FOXP2: variants seen among roughly 807,000 people sequenced by gnomAD.
FOXP2 encodes forkhead box P2.
In FOXP2, 12 loss-of-function variants were observed where a neutral mutation model predicts 115.8. That is an observed-to-expected ratio of 0.10 (90% CI 0.07 to 0.17). The LOEUF (loss-of-function observed/expected upper bound fraction) is 0.17, where lower values mean the gene tolerates loss of function less well. Among genes scored for constraint, FOXP2 ranks in the 10% least tolerant of loss-of-function variants. The pLI is 1.00. For synonymous variants in FOXP2, 328 were observed against 297.7 expected, an observed-to-expected ratio of 1.10 and a Z score of -1.05; for missense variants, 629 against 843.5, an observed-to-expected ratio of 0.75 and a Z score of 3.15.
intron 2 of FOXP2, among the ~76,000 whole-genome samples, chr7:114,509,674 G>A (rs546197646): frequency 1.3e-5 from 2 of 149,060 alleles, no homozygotes; most frequent in East Asian, 2.0e-4. Context: ...CTTTGGTGGG[G>A]GGGGGGCTTG....
upstream of FOXP2, among the ~76,000 whole-genome samples, chr7:114,159,351 A>G (rs1448226324): frequency 6.6e-6 from 1 of 152,148 alleles, no homozygotes; most frequent in Non-Finnish European, 1.5e-5. Context: ...TCCTGATAAT[A>G]AAATGTTTAG....
chr7:114,377,112 A>C (rs991567793), intron 2 of FOXP2, among the ~76,000 whole-genome samples: 4 of 152,170 alleles, frequency 2.6e-5, no homozygotes, highest in Admixed American at 2.6e-4. Flanking sequence ...GGAAAACCAA[A>C]TCAGAGATAT....
intron 2 of FOXP2, among the ~76,000 whole-genome samples, chr7:114,308,341 G>C (rs1797066542): frequency 6.6e-6 from 1 of 152,040 alleles, no homozygotes; most frequent in East Asian, 1.9e-4. Context: ...GTATACAAGG[G>C]ACTGAACTAC....
At chr7:114,111,979 C>G (rs1319186484) in intron 1 of FOXP2, among the ~76,000 whole-genome samples, 1 of 151,966 alleles carries the variant, frequency 6.6e-6, no homozygotes, top group African/African-American at 2.4e-5. Context: ...TGATGGACTA[C>G]TATTAACTAT....
chr7:114,136,528 T>G (rs1159765360), intron 1 of FOXP2, among the ~76,000 whole-genome samples: 1 of 151,950 alleles, frequency 6.6e-6, no homozygotes, highest in Non-Finnish European at 1.5e-5. Flanking sequence ...AAAGTTTTAT[T>G]TAATAAAAAG....
At position 114,690,281 on chromosome 7, in the gene FOXP2, A is replaced by G. The variant is rs1348853730; in HGVS notation, c.*355A>G. ...GAATATGAGGATACATGTCCTGTAG[A>G]AAGCAAATGCGCCTCATATACTGCC... On this transcript the variant is annotated 3_prime_UTR_variant, in exon 17 of 17. Transcript: ENST00000350908. 2.2e-6 allele frequency: 1 copy of G among 460,572 alleles called. No individual in the cohort carries two copies. The highest frequency in any genetic ancestry group is 2.3e-5 in the Admixed American group (1 of 42,686). 28.5% of individuals were successfully genotyped at this position (460,572 alleles called of 1,614,324 possible).
chr7:114,264,008 G>C (rs1472488249), intron 1 of FOXP2, among the ~76,000 whole-genome samples: 1 of 152,018 alleles, frequency 6.6e-6, no homozygotes, highest in East Asian at 2.0e-4. Context: ...AGCTTTGCCT[G>C]TTTAGCTTCC....
chr7:114,685,224 TTA>T (rs1170058492), intron 16 of FOXP2, among the ~76,000 whole-genome samples: 1 of 152,178 alleles, frequency 6.6e-6, no homozygotes, highest in Non-Finnish European at 1.5e-5. Context: ...ACCAAATAGT[TTA>T]TTTATCACGT....
intron 1 of FOXP2, among the ~76,000 whole-genome samples, chr7:114,111,498 A>C (rs1490636684): frequency 6.6e-6 from 1 of 152,056 alleles, no homozygotes; most frequent in African/African-American, 2.4e-5. Flanking sequence ...TTTAGCACTA[A>C]ATTTTGAGGT....
Position 114,101,313 on chromosome 7 carries a change from G to T in FOXP2, c.-247+13475G>T, listed in dbSNP as rs75478674. Among the ~76,000 whole-genome samples, 701 of 152,268 alleles carry T rather than the reference G, an allele frequency of 4.6e-3. 5 individuals carry two copies. The highest frequency in any genetic ancestry group is 0.016 in the African/African-American group (667 of 41,542). The stretch of plus-strand genomic sequence containing the variant: ...GCCAGTGCCTCTGCTAACAAGACAT[G>T]CAGAAACAGGAGAGACCCATGAAAA... On this transcript the variant is annotated intron_variant, in intron 1 of 19. Coordinates refer to the FOXP2 transcript ENST00000635638.
intron 1 of FOXP2, among the ~76,000 whole-genome samples, chr7:114,218,369 T>G (rs1266758017): frequency 1.3e-5 from 2 of 152,134 alleles, no homozygotes; most frequent in Non-Finnish European, 2.9e-5. Context: ...GCCCTCAGCT[T>G]TACCCCCAGA....
rs771600824 is a variant in FOXP2, at chr7:114,653,912, CTCTT to C, written c.1183-9_1183-6del. ...CATTTCTAAAACGCTTCTGATCTCA[CTCTT>C]TCTTAACAGCTTTCTAAAGAACGCG... On this transcript the variant is annotated splice_polypyrimidine_tract_variant and intron_variant, in intron 9 of 16. Coordinates refer to ENST00000350908, the MANE Select transcript of FOXP2 (RefSeq NM_014491.4). 1.2e-6 allele frequency: 2 copies of C among 1,611,920 alleles called. No homozygotes were observed. Among genetic ancestry groups the C allele is most frequent in the African/African-American group, 1.3e-5 (1 of 74,946 alleles).
intron 1 of FOXP2, among the ~76,000 whole-genome samples, chr7:114,126,130 A>G (rs1791702072): frequency 6.6e-6 from 1 of 152,114 alleles, no homozygotes; most frequent in South Asian, 2.1e-4. Flanking sequence ...TGCAAGACCA[A>G]GTGAATTAAG....
chr7:114,609,724 T>C (rs986867722), intron 3 of FOXP2, among the ~76,000 whole-genome samples: 1 of 152,208 alleles, frequency 6.6e-6, no homozygotes, highest in African/African-American at 2.4e-5. Context: ...CTTTGTCTTT[T>C]TGTCACAATC....
intron 2 of FOXP2, among the ~76,000 whole-genome samples, chr7:114,319,166 G>A (rs1445900867): frequency 6.6e-6 from 1 of 151,034 alleles, no homozygotes; most frequent in Admixed American, 6.6e-5. Flanking sequence ...GGGGGTTGGG[G>A]GGGCGGGTCC....
chr7:114,578,304 C>T (rs1159072531), intron 3 of FOXP2, among the ~76,000 whole-genome samples: 2 of 151,948 alleles, frequency 1.3e-5, no homozygotes, highest in East Asian at 1.9e-4. Flanking sequence ...CGCCCTGTTA[C>T]TACATTGCCA....
At chr7:114,381,396 A>C (rs1207476456) in intron 2 of FOXP2, among the ~76,000 whole-genome samples, 1 of 152,184 alleles carries the variant, frequency 6.6e-6, no homozygotes, top group Non-Finnish European at 1.5e-5. Context: ...TCATCCCTGT[A>C]CCGAAGGACA....
intron 1 of FOXP2, among the ~76,000 whole-genome samples, chr7:114,109,914 T>C (rs1791219763): frequency 6.6e-6 from 1 of 152,144 alleles, no homozygotes; most frequent in African/African-American, 2.4e-5. Flanking sequence ...TATGGTGCAT[T>C]TTCTGTCCTA....
rs1478224408 is a variant in FOXP2, at chr7:114,692,424, G to A, written c.*2498G>A. 1 of 449,574 alleles carries A rather than the reference G, an allele frequency of 2.2e-6. No homozygotes were observed. Among genetic ancestry groups the A allele is most frequent in the Non-Finnish European group, 4.4e-6 (1 of 225,482 alleles). 27.8% of individuals were successfully genotyped at this position (449,574 alleles called of 1,614,324 possible). ...CAATTGCTTTGAAAATAGATTTTAGGTTTTTTGGAGTTTCCTGAAATGCTT... is the reference window on the plus strand; with the variant it reads ...CAATTGCTTTGAAAATAGATTTTAGATTTTTTGGAGTTTCCTGAAATGCTT... On this transcript the variant is annotated 3_prime_UTR_variant, in exon 17 of 17. Transcript: ENST00000350908.
Sources: gnomAD v4.1 joint callset for allele counts (sites outside exome capture counted in the v4.1 genomes callset) on GRCh38, gnomAD v4.1.1 for gene constraint, MANE v1.5 for transcripts, NCBI Gene and HGNC (gene_info 2026-07-23, HGNC 2026-07-21) for gene names.